The following NAALADL2 variants were observed in gnomAD, a reference collection of about 807,000 sequenced individuals.
NAALADL2 encodes the protein N-acetylated alpha-linked acidic dipeptidase like 2.
NAALADL2 carries 76 observed loss-of-function variants against 87.2 expected under a neutral mutation model. That is an observed-to-expected ratio of 0.87 (90% CI 0.72 to 1.05). The LOEUF (loss-of-function observed/expected upper bound fraction) is 1.05. Ranked by LOEUF, NAALADL2 falls within the 50% of genes least tolerant of loss-of-function variation. NAALADL2 has a pLI of 0.00. For synonymous variants in NAALADL2, 354 were observed against 331.0 expected (o/e 1.07, Z -0.75); for missense variants, 1,089 against 945.8 (o/e 1.15, Z -1.99).
chr3:174,689,505 A>G (rs368313040), intron 2 of NAALADL2, among the ~76,000 whole-genome samples: 1 of 151,916 alleles, frequency 6.6e-6, no homozygotes. Context: ...CCTCTTCAGA[A>G]TAGTCTGGGA....
At chr3:175,654,822 G>A (rs779204919) in intron 11 of NAALADL2, among the ~76,000 whole-genome samples, 19 of 152,144 alleles carry the variant, frequency 1.2e-4, no homozygotes, top group Non-Finnish European at 2.5e-4. Context: ...TTTCTTGGGA[G>A]CACTTTCATC....
intron 1 of NAALADL2, among the ~76,000 whole-genome samples, chr3:174,495,735 T>C (rs1718491329): frequency 8.7e-6 from 1 of 114,516 alleles, no homozygotes; most frequent in South Asian, 3.4e-4. Context: ...TAGTACTTAA[T>C]AGACTTCTTG....
chr3:175,617,905 T>C (rs1452390273), intron 10 of NAALADL2, among the ~76,000 whole-genome samples: 1 of 152,124 alleles, frequency 6.6e-6, no homozygotes, highest in African/African-American at 2.4e-5. Flanking sequence ...CCCTCCAGTA[T>C]GCACACCTGA....
In NAALADL2 at chr3:175,621,925, G is replaced by A. The variant is rs1213873253; in HGVS notation, c.1801-5366G>A. Among the ~76,000 whole-genome samples the A allele has an allele frequency of 2.0e-5, 3 of 152,100 alleles. No individual in the cohort carries two copies. The East Asian group carries it at 5.8e-4, about 29-fold the overall frequency. ...ACAGTACACAGGCACTCAGCAAATTGTAGCTACAGAAATTGCTATTATTGA... is the reference window on the plus strand; with the variant it reads ...ACAGTACACAGGCACTCAGCAAATTATAGCTACAGAAATTGCTATTATTGA... On this transcript the variant is annotated intron_variant, in intron 10 of 13. Transcript: ENST00000454872.
chr3:174,813,273 G>A (rs1474793993), intron 3 of NAALADL2, among the ~76,000 whole-genome samples: 1 of 151,978 alleles, frequency 6.6e-6, no homozygotes, highest in African/African-American at 2.4e-5. Flanking sequence ...TAGCTGATAA[G>A]CTAAAAAAAA....
At chr3:174,761,555 A>G (rs898831989) in intron 3 of NAALADL2, among the ~76,000 whole-genome samples, 8 of 152,164 alleles carry the variant, frequency 5.3e-5, no homozygotes, top group Non-Finnish European at 8.8e-5. Context: ...TTAGCTAACC[A>G]AGAGAGTATA....
Position 174,947,032 on chromosome 3 carries a change from C to T in NAALADL2, c.43+87582C>T, listed in dbSNP as rs960945671. Among the ~76,000 whole-genome samples, 5 of 152,150 alleles carry T rather than the reference C, an allele frequency of 3.3e-5. No homozygotes were observed. The South Asian group carries it at 8.3e-4, about 25-fold the overall frequency. On this transcript the variant is annotated intron_variant, in intron 1 of 13. Coordinates refer to ENST00000454872, the MANE Select transcript of NAALADL2 (RefSeq NM_207015.3). ...AGAACCGTCACTTAGTAACCCTTCA[C>T]CTCAGCTCAAAGCCATATAAAATCC...
At chr3:175,568,374 T>C (rs181088233) in intron 9 of NAALADL2, among the ~76,000 whole-genome samples, 1 of 152,102 alleles carries the variant, frequency 6.6e-6, no homozygotes, top group East Asian at 1.9e-4. Context: ...AGAAAAATTA[T>C]AGATGCGTAG....
chr3:175,448,002 T>G (rs1720968485), intron 6 of NAALADL2, among the ~76,000 whole-genome samples: 1 of 152,234 alleles, frequency 6.6e-6, no homozygotes, highest in Admixed American at 6.5e-5. Flanking sequence ...TTGTTAAATT[T>G]GTATCTATTT....
intron 9 of NAALADL2, among the ~76,000 whole-genome samples, chr3:175,547,097 G>C (rs542218437): frequency 6.6e-6 from 1 of 152,092 alleles, no homozygotes; most frequent in South Asian, 2.1e-4. Flanking sequence ...CCAGAAATGA[G>C]CCCAAAGAGC....
At chr3:174,775,542 C>A (rs1398990978) in intron 3 of NAALADL2, among the ~76,000 whole-genome samples, 1 of 152,078 alleles carries the variant, frequency 6.6e-6, no homozygotes. Context: ...AAGTTGGGTT[C>A]TCCAGGAAAA....
Position 175,314,507 on chromosome 3 carries a change from G to A in NAALADL2, c.940-9668G>A, listed in dbSNP as rs1459185856. Among the ~76,000 whole-genome samples the A allele has an allele frequency of 4.4e-5, 6 of 136,654 alleles. No homozygotes were observed. In the East Asian group the frequency reaches 1.1e-3, roughly 25 times the overall value. The allele number at this position is 136,654 out of a possible 152,430, so 89.7% of individuals were successfully genotyped here. ...GAGAACATAACACATTTAATTAAAT[G>A]TATTGTGTCTCAAATTTCAAGAGCA... On this transcript the variant is annotated intron_variant, in intron 4 of 13. Transcript: ENST00000454872.
intron 9 of NAALADL2, among the ~76,000 whole-genome samples, chr3:175,479,060 A>G (rs1165340739): frequency 2.6e-5 from 4 of 151,856 alleles, no homozygotes; most frequent in Admixed American, 1.3e-4. Flanking sequence ...TGCTGAACAA[A>G]ATAATAACCG....
At chr3:175,607,484 C>A (rs1410233694) in intron 10 of NAALADL2, among the ~76,000 whole-genome samples, 1 of 152,060 alleles carries the variant, frequency 6.6e-6, no homozygotes, top group Non-Finnish European at 1.5e-5. Context: ...TACATATACA[C>A]CATAAATAAC....
chr3:174,816,417 T>TGCGC (rs377727617), intron 3 of NAALADL2, among the ~76,000 whole-genome samples: 56 of 149,972 alleles, frequency 3.7e-4, no homozygotes, highest in Non-Finnish European at 5.6e-4. Context: ...TGTGTGCGTG[T>TGCGC]GTGTGTGTGT....
rs547672662 is a variant in NAALADL2 at position 174,520,797 on chromosome 3, C to G, written c.-183-29772C>G. Among the ~76,000 whole-genome samples the G allele has an allele frequency of 3.3e-5, 5 of 152,164 alleles. No homozygotes were observed. In the East Asian group the frequency reaches 9.7e-4, roughly 29 times the overall value. ...TTTACAGAATGTGAGAAATTATTAG[C>G]AAATTATGCCACCAACAAAGGACTA... On this transcript the variant is annotated intron_variant, in intron 1 of 3. Coordinates refer to the NAALADL2 transcript ENST00000434257.
intron 11 of NAALADL2, among the ~76,000 whole-genome samples, chr3:175,644,492 G>C (rs1016661000): frequency 1.3e-5 from 2 of 151,916 alleles, no homozygotes; most frequent in African/African-American, 4.8e-5. Context: ...CTAATTTATT[G>C]AGATTTCCAT....
chr3:175,493,454 A>C (rs936674331), intron 9 of NAALADL2, among the ~76,000 whole-genome samples: 2 of 152,132 alleles, frequency 1.3e-5, no homozygotes, highest in Non-Finnish European at 2.9e-5. Context: ...TCTCTTACAC[A>C]TGTTAACTAT....
chr3:174,821,827 A>T (rs1283977691), intron 3 of NAALADL2, among the ~76,000 whole-genome samples: 1 of 152,204 alleles, frequency 6.6e-6, no homozygotes, highest in African/African-American at 2.4e-5. Context: ...ATTGAGAATT[A>T]TCACTAGCTT....
Sources: gnomAD v4.1 joint callset for allele counts (sites outside exome capture counted in the v4.1 genomes callset) on GRCh38, gnomAD v4.1.1 for gene constraint, MANE v1.5 for transcripts, NCBI Gene and HGNC (gene_info 2026-07-23, HGNC 2026-07-21) for gene names.